NKAIN2: variants seen among roughly 807,000 people sequenced by gnomAD.
NKAIN2 encodes sodium/potassium transporting ATPase interacting 2.
In NKAIN2, 14 loss-of-function variants were observed where a neutral mutation model predicts 32.6. The ratio of observed to expected loss-of-function variants is 0.43; its 90% CI spans 0.28 to 0.67. The LOEUF (loss-of-function observed/expected upper bound fraction) is 0.67, where lower values mean the gene tolerates loss of function less well. NKAIN2 is among the 30% of genes least tolerant of loss of function. The pLI is 0.17. For synonymous variants in NKAIN2, 80 were observed against 87.2 expected, an observed-to-expected ratio of 0.92 and a Z score of 0.46; for missense variants, 198 against 258.3, an observed-to-expected ratio of 0.77 and a Z score of 1.60.
At chr6:124,475,709 C>T (rs1777169024) in intron 3 of NKAIN2, among the ~76,000 whole-genome samples, 1 of 152,208 alleles carries the variant, frequency 6.6e-6, no homozygotes, top group Non-Finnish European at 1.5e-5. Flanking sequence ...ATAATTTTAA[C>T]CAGATTATGG....
intron 3 of NKAIN2, among the ~76,000 whole-genome samples, chr6:124,442,461 C>T (rs964096547): frequency 6.6e-6 from 1 of 152,062 alleles, no homozygotes; most frequent in Admixed American, 6.6e-5. Flanking sequence ...AAGGACCTCC[C>T]TCCCATTCAG....
At chr6:124,512,248 A>G (rs1267795617) in intron 3 of NKAIN2, among the ~76,000 whole-genome samples, 1 of 152,194 alleles carries the variant, frequency 6.6e-6, no homozygotes, top group Non-Finnish European at 1.5e-5. Context: ...AATGGCACCC[A>G]AATACACCAT....
intron 2 of NKAIN2, among the ~76,000 whole-genome samples, chr6:124,323,474 A>T (rs1004414664): frequency 2.6e-5 from 4 of 152,194 alleles, no homozygotes; most frequent in South Asian, 2.1e-4. Context: ...TTTGCATAAG[A>T]TATACAGTTT....
chr6:124,132,049 A>G (rs1786506800), intron 1 of NKAIN2, among the ~76,000 whole-genome samples: 1 of 152,128 alleles, frequency 6.6e-6, no homozygotes, highest in African/African-American at 2.4e-5. Context: ...AGGCTGCCTG[A>G]ATCAAAACTC....
chr6:124,122,273 T>A (rs1263716309), intron 1 of NKAIN2, among the ~76,000 whole-genome samples: 1 of 152,054 alleles, frequency 6.6e-6, no homozygotes, highest in Non-Finnish European at 1.5e-5. Context: ...ATATATATAT[T>A]TTTAATTATT....
intron 2 of NKAIN2, among the ~76,000 whole-genome samples, chr6:124,343,665 T>A (rs528406010): frequency 6.7e-6 from 1 of 149,496 alleles, no homozygotes; most frequent in African/African-American, 2.4e-5. Flanking sequence ...TTCGCCCACT[T>A]TTTGATGGGG....
chr6:124,411,260 C>T (rs952525959), intron 3 of NKAIN2, among the ~76,000 whole-genome samples: 1 of 152,048 alleles, frequency 6.6e-6, no homozygotes, highest in Non-Finnish European at 1.5e-5. Context: ...TTAGTTGATG[C>T]AGTTTCTTCC....
intron 3 of NKAIN2, among the ~76,000 whole-genome samples, chr6:124,428,949 C>G (rs1178542060): frequency 6.6e-6 from 1 of 152,176 alleles, no homozygotes; most frequent in East Asian, 1.9e-4. Context: ...ATGGCTGTAT[C>G]TGCAGTTCCA....
chr6:123,955,229 AG>A (rs1252184709), intron 1 of NKAIN2, among the ~76,000 whole-genome samples: 1 of 151,732 alleles, frequency 6.6e-6, no homozygotes, highest in African/African-American at 2.4e-5. Flanking sequence ...GAAAAAAGAA[AG>A]AAGAAAAGCC....
At chr6:123,987,495 C>T (rs1033737776) in intron 1 of NKAIN2, among the ~76,000 whole-genome samples, 2 of 152,020 alleles carry the variant, frequency 1.3e-5, no homozygotes, top group Non-Finnish European at 1.5e-5. Context: ...AAGCTTGGGC[C>T]GATGTGGGAG....
intron 1 of NKAIN2, among the ~76,000 whole-genome samples, chr6:124,176,831 T>C (rs1789180385): frequency 6.6e-6 from 1 of 152,162 alleles, no homozygotes; most frequent in Non-Finnish European, 1.5e-5. Context: ...TGTATTCTTT[T>C]GTTAACATCT....
intron 1 of NKAIN2, among the ~76,000 whole-genome samples, chr6:123,992,703 T>C (rs148068245): frequency 2.6e-4 from 39 of 152,336 alleles, no homozygotes; most frequent in African/African-American, 9.4e-4. Context: ...AAGTGTTTAA[T>C]GCAAACTGGA....
intron 1 of NKAIN2, among the ~76,000 whole-genome samples, chr6:123,840,323 A>C (rs981949031): frequency 2.0e-5 from 3 of 152,100 alleles, no homozygotes; most frequent in African/African-American, 7.2e-5. Flanking sequence ...GTATAAATTT[A>C]TATCTCTTCT....
chr6:123,902,418 C>T (rs140714364), intron 1 of NKAIN2, among the ~76,000 whole-genome samples: 1 of 152,230 alleles, frequency 6.6e-6, no homozygotes, highest in East Asian at 1.9e-4. Flanking sequence ...AAAATTCCTA[C>T]ATCTAGTGTG....
At chr6:124,092,672 T>C (rs954692729) in intron 1 of NKAIN2, among the ~76,000 whole-genome samples, 1 of 152,050 alleles carries the variant, frequency 6.6e-6, no homozygotes, top group Non-Finnish European at 1.5e-5. Context: ...TGGGGTAAGA[T>C]GATATCTAAA....
intron 4 of NKAIN2, among the ~76,000 whole-genome samples, chr6:124,758,687 T>G: frequency 6.6e-6 from 1 of 152,140 alleles, no homozygotes; most frequent in East Asian, 1.9e-4. Flanking sequence ...GAATTCTGCT[T>G]AAGTTACAGC....
At chr6:124,529,209 C>T (rs1222012160) in intron 3 of NKAIN2, among the ~76,000 whole-genome samples, 1 of 152,052 alleles carries the variant, frequency 6.6e-6, no homozygotes, top group Non-Finnish European at 1.5e-5. Context: ...GAACAGAAAC[C>T]TCACTCAAAC....
At chr6:123,990,790 C>T (rs751156456) in intron 1 of NKAIN2, among the ~76,000 whole-genome samples, 24 of 152,240 alleles carry the variant, frequency 1.6e-4, no homozygotes, top group Non-Finnish European at 2.4e-4. Flanking sequence ...GTTACCTTTG[C>T]GATAAGGAGT....
chr6:124,120,963 C>T lies in NKAIN2; in HGVS notation c.55-162042C>T, dbSNP rs530404526. On this transcript the variant is annotated intron_variant, in intron 1 of 6. Coordinates refer to ENST00000368417, the MANE Select transcript of NKAIN2 (RefSeq NM_001040214.3). ...ACTGATACTCATGGTTCTATTAAGG[C>T]ACAGATTTCTTTTACCAGTCCCTGA... 2.6e-5 allele frequency among the ~76,000 whole-genome samples: 4 copies of T among 152,062 alleles called. No homozygotes were observed. In the South Asian group the frequency reaches 8.3e-4, roughly 32 times the overall value.
Sources: allele counts gnomAD v4.1 joint callset (sites outside exome capture counted in the v4.1 genomes callset), GRCh38; gene constraint gnomAD v4.1.1; transcripts MANE v1.5; gene names NCBI Gene and HGNC (gene_info 2026-07-23, HGNC 2026-07-21).